Variants in ICA1 observed in about 807,000 individuals in gnomAD.
ICA1 encodes 69 kDa islet cell autoantigen.
Under a neutral mutation model 71.0 loss-of-function variants are expected in ICA1, and 40 were observed. The observed-to-expected ratio is 0.56, with a 90% confidence interval of 0.44 to 0.73. ICA1 has a LOEUF of 0.73. Among genes scored for constraint, ICA1 ranks in the 30% least tolerant of loss-of-function variants. The probability of loss-of-function intolerance (pLI) is 0.00; values close to 1 mark genes in which losing one functional copy is unlikely to be tolerated. For missense variants in ICA1, 578 were observed against 576.5 expected, an observed-to-expected ratio of 1.00 and a Z score of -0.03; for synonymous variants, 207 against 209.5, an observed-to-expected ratio of 0.99 and a Z score of 0.10.
At chr7:8,207,273 T>C (rs991263352) in intron 6 of ICA1, among the ~76,000 whole-genome samples, 4 of 152,188 alleles carry the variant, frequency 2.6e-5, no homozygotes, top group East Asian at 1.9e-4. Flanking sequence ...CATATTTCAT[T>C]TGATGGTAAC....
intron 8 of ICA1, among the ~76,000 whole-genome samples, chr7:8,146,572 C>T (rs566091298): frequency 6.6e-6 from 1 of 152,092 alleles, no homozygotes; most frequent in East Asian, 1.9e-4. Context: ...ATGCAATACA[C>T]GATCCTTGGC....
At chr7:8,191,980 T>G (rs541212773) in intron 6 of ICA1, among the ~76,000 whole-genome samples, 1 of 152,282 alleles carries the variant, frequency 6.6e-6, no homozygotes, top group East Asian at 1.9e-4. Context: ...TACATTTGTT[T>G]CATTTTCTAA....
At chr7:8,158,688 A>G (rs1802615528) in intron 6 of ICA1, 36 bp from the exon 7 acceptor site, 1 of 1,596,192 alleles carries the variant, frequency 6.3e-7, no homozygotes, top group Admixed American at 1.8e-5. Flanking sequence ...AATCACCCTA[A>G]CCCTTAAGTA....
rs1373097389 is a variant in ICA1, at chr7:8,222,982, T to C, written c.257-1584A>G. ...ACGGTGCTAATTAAATGCTTGTGAA[T>C]TGAATTGACTACAATTTTGCCTTGT... On this transcript the variant is annotated intron_variant, in intron 4 of 13. Coordinates refer to ENST00000402384, the MANE Select transcript of ICA1 (RefSeq NM_001136020.3). The surrounding 1 kb of genome is among the most constrained non-coding windows in gnomAD (Gnocchi z 4.8). 6.6e-6 allele frequency among the ~76,000 whole-genome samples: 1 copy of C among 152,244 alleles called. No homozygotes were observed. Among genetic ancestry groups the C allele is most frequent in the African/African-American group, 2.4e-5 (1 of 41,462 alleles).
chr7:8,157,219 A>G lies in ICA1; in HGVS notation c.706-5T>C. 6.3e-7 allele frequency: 1 copy of G among 1,595,970 alleles called. No individual in the cohort carries two copies. The highest frequency in any genetic ancestry group is 8.5e-7 in the Non-Finnish European group (1 of 1,174,018). ...CCAAAAATGAAGCAGAGTGGTCTGC[A>G]AAGAAAGACAGTAAAGCTATTAATG... On this transcript the variant is annotated splice_region_variant and splice_polypyrimidine_tract_variant and intron_variant, in intron 7 of 13. Coordinates refer to ENST00000402384, the MANE Select transcript of ICA1 (RefSeq NM_001136020.3).
rs1037259086 is a variant in ICA1 at position 8,226,526 on chromosome 7, A to T, written c.256+2075T>A. 1.3e-5 allele frequency among the ~76,000 whole-genome samples: 2 copies of T among 152,204 alleles called. No homozygotes were observed. The highest frequency in any genetic ancestry group is 4.8e-5 in the African/African-American group (2 of 41,442). On this transcript the variant is annotated intron_variant, in intron 4 of 13. Coordinates refer to ENST00000402384, the MANE Select transcript of ICA1 (RefSeq NM_001136020.3). This position sits in a 1 kb window ranked among gnomAD's most constrained non-coding sequence, Gnocchi z 4.4. ...TCTTTCACTTAAAAGCATATCCTCC[A>T]AATCACTCCATATTAGTTCACAGAT...
At chr7:8,129,931 C>T (rs1004372810) in intron 12 of ICA1, among the ~76,000 whole-genome samples, 4 of 137,626 alleles carry the variant, frequency 2.9e-5, no homozygotes, top group Admixed American at 7.6e-5. Context: ...TCAATTCCCA[C>T]CTACGAGATA....
intron 6 of ICA1, among the ~76,000 whole-genome samples, chr7:8,195,372 C>T (rs918578562): frequency 2.0e-5 from 3 of 152,128 alleles, no homozygotes; most frequent in South Asian, 2.1e-4. Context: ...GAAACCCTGT[C>T]TCTACTAAAA....
At chr7:8,248,573 G>T (rs927125774) in intron 1 of ICA1, among the ~76,000 whole-genome samples, 30 of 152,096 alleles carry the variant, frequency 2.0e-4, no homozygotes, top group Non-Finnish European at 2.8e-4. Context: ...AAAATTAGCT[G>T]GGCATGGTGG....
At chr7:8,176,152 CTT>C (rs1290326603) in intron 6 of ICA1, among the ~76,000 whole-genome samples, 1 of 152,224 alleles carries the variant, frequency 6.6e-6, no homozygotes, top group East Asian at 1.9e-4. Context: ...GAAACACAAA[CTT>C]TGCACCCAGG....
chr7:8,254,652 G>C (rs1263110989), intron 1 of ICA1, among the ~76,000 whole-genome samples: 1 of 151,576 alleles, frequency 6.6e-6, no homozygotes, highest in Non-Finnish European at 1.5e-5. Context: ...AGGGATATTG[G>C]GCATGTACCC....
At chr7:8,212,708 G>A (rs1365525302) in intron 6 of ICA1, among the ~76,000 whole-genome samples, 1 of 152,206 alleles carries the variant, frequency 6.6e-6, no homozygotes, top group Admixed American at 6.5e-5. Context: ...GGCGGGGACG[G>A]AGTGTAGCAC....
At position 8,222,250 on chromosome 7, in the gene ICA1, A is replaced by C. The variant is rs73233986; in HGVS notation, c.257-852T>G. ...CCTTATACTAGGAACTAGTTTAATAAAATACAGCATACCCACATAATGGTA... is the reference window on the plus strand; with the variant it reads ...CCTTATACTAGGAACTAGTTTAATACAATACAGCATACCCACATAATGGTA... On this transcript the variant is annotated intron_variant, in intron 4 of 13. Coordinates refer to ENST00000402384, the MANE Select transcript of ICA1 (RefSeq NM_001136020.3). The surrounding 1 kb of genome is among the most constrained non-coding windows in gnomAD (Gnocchi z 4.8). Among the ~76,000 whole-genome samples the C allele has an allele frequency of 3.8e-3, 579 of 152,286 alleles. 8 individuals are homozygous for C. The highest frequency in any genetic ancestry group is 0.013 in the African/African-American group (553 of 41,548).
chr7:8,164,659 CCT>C (rs1805235428), intron 6 of ICA1, among the ~76,000 whole-genome samples: 1 of 152,186 alleles, frequency 6.6e-6, no homozygotes, highest in African/African-American at 2.4e-5. Flanking sequence ...CCTATTTTCC[CCT>C]GAGGCAACAT....
At chr7:8,256,084 T>C (rs924201893) in intron 1 of ICA1, among the ~76,000 whole-genome samples, 11 of 152,166 alleles carry the variant, frequency 7.2e-5, no homozygotes, top group Non-Finnish European at 1.3e-4. Context: ...CTCTTTCATC[T>C]TTTGCAACCA....
In ICA1 at chr7:8,124,454, GA is replaced by G. The variant is rs573367505; in HGVS notation, c.1330+3418del. Among the ~76,000 whole-genome samples, 842 of 114,544 alleles carry G rather than the reference GA, an allele frequency of 7.4e-3. 7 individuals carry two copies. The highest frequency in any genetic ancestry group is 0.023 in the African/African-American group (658 of 28,628). The allele number at this position is 114,544 out of a possible 152,430, so 75.1% of individuals were successfully genotyped here. The stretch of plus-strand genomic sequence containing the variant: ...AGATTTTCTAGGCCATGAATGCAGT[GA>G]AAAAAAAAAAAAAAACTCAAGCTAA... On this transcript the variant is annotated intron_variant, in intron 13 of 13. Coordinates refer to ENST00000402384, the MANE Select transcript of ICA1 (RefSeq NM_001136020.3).
At chr7:8,258,553 G>C (rs555031970) in intron 1 of ICA1, among the ~76,000 whole-genome samples, 1 of 152,094 alleles carries the variant, frequency 6.6e-6, no homozygotes, top group Non-Finnish European at 1.5e-5. Flanking sequence ...CTCGCAATAC[G>C]GCCAAGTTGA....
At chr7:8,217,350 A>C (rs1475960186) in intron 6 of ICA1, among the ~76,000 whole-genome samples, 1 of 152,200 alleles carries the variant, frequency 6.6e-6, no homozygotes, top group Non-Finnish European at 1.5e-5. Flanking sequence ...CCGTATTCTT[A>C]AGGACCAGAA....
chr7:8,151,715 G>C (rs538934328), intron 8 of ICA1, among the ~76,000 whole-genome samples: 61 of 152,364 alleles, frequency 4.0e-4, no homozygotes, highest in African/African-American at 1.5e-3. Context: ...GATTAACTGA[G>C]AAATGTGGAG....
Sources: allele counts gnomAD v4.1 joint callset (sites outside exome capture counted in the v4.1 genomes callset), GRCh38; gene constraint gnomAD v4.1.1; non-coding constraint Gnocchi (gnomAD v3.1); transcripts MANE v1.5; gene names NCBI Gene and HGNC (gene_info 2026-07-23, HGNC 2026-07-21).